The following SLX4IP variants were observed in gnomAD, a reference collection of about 807,000 sequenced individuals.
SLX4IP encodes the protein protein SLX4IP.
Under a neutral mutation model 32.9 loss-of-function variants are expected in SLX4IP, and 34 were observed. The observed-to-expected ratio is 1.03, with a 90% CI of 0.79 to 1.38. The LOEUF is 1.38. Ranked by LOEUF, SLX4IP falls within the 40% of genes most tolerant of loss-of-function variation. The probability of loss-of-function intolerance (pLI) is 0.00; values close to 1 mark genes in which losing one functional copy is unlikely to be tolerated. For missense variants in SLX4IP, 444 were observed against 479.0 expected (o/e 0.93, Z 0.68); for synonymous variants, 172 against 171.7 (o/e 1.00, Z -0.01).
chr20:10,572,764 C>T (rs1403884173), intron 4 of SLX4IP, among the ~76,000 whole-genome samples: 1 of 152,166 alleles, frequency 6.6e-6, no homozygotes. Flanking sequence ...AAAATCTTAG[C>T]TTATATCTGT....
chr20:10,459,370 G>T (rs538127516), intron 2 of SLX4IP, among the ~76,000 whole-genome samples: 1 of 152,240 alleles, frequency 6.6e-6, no homozygotes, highest in South Asian at 2.1e-4. Flanking sequence ...AGTTTAGTTT[G>T]ATCCCATTTG....
intron 4 of SLX4IP, among the ~76,000 whole-genome samples, chr20:10,598,226 C>T (rs1316469363): frequency 6.6e-6 from 1 of 152,168 alleles, no homozygotes; most frequent in African/African-American, 2.4e-5. Flanking sequence ...TTCACCCTTG[C>T]CTCTCAAGAG....
At chr20:10,610,735 C>T (rs1341292835) in intron 6 of SLX4IP, among the ~76,000 whole-genome samples, 1 of 152,250 alleles carries the variant, frequency 6.6e-6, no homozygotes, top group Non-Finnish European at 1.5e-5. Context: ...CTTTTCATTT[C>T]ACCTCCTGTT....
intron 6 of SLX4IP, among the ~76,000 whole-genome samples, chr20:10,604,491 C>T (rs1363260686): frequency 6.6e-6 from 1 of 152,134 alleles, no homozygotes; most frequent in Non-Finnish European, 1.5e-5. Flanking sequence ...ATTCTTTCAA[C>T]CTGTAGACAA....
At chr20:10,575,841 T>C (rs534981143) in intron 4 of SLX4IP, among the ~76,000 whole-genome samples, 1 of 152,242 alleles carries the variant, frequency 6.6e-6, no homozygotes, top group South Asian at 2.1e-4. Flanking sequence ...TTCCTAATAT[T>C]AACACCCATA....
rs1217319470 is a variant in SLX4IP at position 10,435,420 on chromosome 20, T to G, written c.-63T>G. ...TGACCCTGGACAGTAACAAAACATA[T>G]AAAGCCCGAGCCCAAACCCCGCCAC... On this transcript the variant is annotated 5_prime_UTR_variant, in exon 1 of 8. Coordinates refer to ENST00000334534, the MANE Select transcript of SLX4IP (RefSeq NM_001009608.3). The G allele has an allele frequency of 6.6e-6, 1 of 152,170 alleles. No individual in the cohort carries two copies. Among genetic ancestry groups the G allele is most frequent in the Non-Finnish European group, 1.5e-5 (1 of 68,072 alleles). The allele number at this position is 152,170 out of a possible 1,614,324, so 9.4% of individuals were successfully genotyped here.
rs143450271 is a variant in SLX4IP, at chr20:10,441,728, T to A, written c.-30+6275T>A. 8.3e-3 allele frequency among the ~76,000 whole-genome samples: 934 copies of A among 112,852 alleles called. 3 individuals carry two copies. The highest frequency in any genetic ancestry group is 0.023 in the African/African-American group (867 of 37,310). 74.0% of individuals were successfully genotyped at this position (112,852 alleles called of 152,430 possible). A position where few individuals can be genotyped will look rare whatever the true frequency, so the allele number is the denominator to read the frequency against. Reference sequence around the variant, plus strand: ...CAGTGTTGAATCTGACGTGTTTGTTTTTGTTTTTTTTTTTATAAGTAAACT... The same window carrying A: ...CAGTGTTGAATCTGACGTGTTTGTTATTGTTTTTTTTTTTATAAGTAAACT... On this transcript the variant is annotated intron_variant, in intron 1 of 7. Coordinates refer to ENST00000334534, the MANE Select transcript of SLX4IP (RefSeq NM_001009608.3).
chr20:10,615,652 G>C (rs1466207054), intron 6 of SLX4IP, among the ~76,000 whole-genome samples: 2 of 152,102 alleles, frequency 1.3e-5, no homozygotes, highest in East Asian at 3.9e-4. Flanking sequence ...CATCATCTTA[G>C]TCCATTTGTG....
At chr20:10,486,184 A>ATTT (rs34444606) in intron 2 of SLX4IP, among the ~76,000 whole-genome samples, 59 of 145,092 alleles carry the variant, frequency 4.1e-4, no homozygotes, top group South Asian at 4.4e-4. Context: ...CCTTGCTTAA[A>ATTT]TTTTTTTTTT....
chr20:10,562,682 A>C (rs909385145), intron 4 of SLX4IP, among the ~76,000 whole-genome samples: 2 of 152,172 alleles, frequency 1.3e-5, no homozygotes, highest in East Asian at 1.9e-4. Flanking sequence ...TTCTCTACCC[A>C]GCACTTCCTT....
At chr20:10,556,599 GAGA>G (rs572641671) in intron 3 of SLX4IP, among the ~76,000 whole-genome samples, 9 of 152,154 alleles carry the variant, frequency 5.9e-5, no homozygotes, top group South Asian at 2.1e-4. Flanking sequence ...TCAAAAAGAG[GAGA>G]AGAAGAAGAA....
chr20:10,564,077 T>A (rs574404773), intron 4 of SLX4IP, among the ~76,000 whole-genome samples: 3 of 152,164 alleles, frequency 2.0e-5, no homozygotes, highest in Non-Finnish European at 4.4e-5. Flanking sequence ...AGAGGTTCAT[T>A]TTGTTCTAGG....
intron 2 of SLX4IP, among the ~76,000 whole-genome samples, chr20:10,543,061 G>A (rs184904995): frequency 9.2e-5 from 14 of 152,306 alleles, no homozygotes; most frequent in Admixed American, 7.8e-4. Context: ...GAACCCACCT[G>A]TCATTTCATC....
chr20:10,553,489 G>A (rs778815312), intron 2 of SLX4IP, among the ~76,000 whole-genome samples: 1 of 152,190 alleles, frequency 6.6e-6, no homozygotes, highest in Non-Finnish European at 1.5e-5. Context: ...ATAAGTCCAT[G>A]GCACAGGAAA....
intron 4 of SLX4IP, among the ~76,000 whole-genome samples, chr20:10,574,160 C>A (rs143670913): frequency 6.6e-6 from 1 of 152,278 alleles, no homozygotes. Flanking sequence ...TTATCATCAC[C>A]TGTTATGGAC....
chr20:10,513,461 A>G (rs954470581), intron 2 of SLX4IP, among the ~76,000 whole-genome samples: 2 of 152,228 alleles, frequency 1.3e-5, no homozygotes, highest in Non-Finnish European at 2.9e-5. Context: ...GAGGTGGAAG[A>G]CATACCTCTC....
At chr20:10,441,325 A>G (rs1197485828) in intron 1 of SLX4IP, among the ~76,000 whole-genome samples, 1 of 152,108 alleles carries the variant, frequency 6.6e-6, no homozygotes, top group Non-Finnish European at 1.5e-5. Context: ...AGTCCCAGCT[A>G]CTCGGAAGGC....
chr20:10,616,549 A>C (rs567359784), intron 6 of SLX4IP, among the ~76,000 whole-genome samples: 7 of 152,040 alleles, frequency 4.6e-5, no homozygotes, highest in Non-Finnish European at 1.0e-4. Context: ...ACCAGTACAC[A>C]CACACACCCC....
At chr20:10,572,110 T>G (rs972866398) in intron 4 of SLX4IP, among the ~76,000 whole-genome samples, 8 of 152,170 alleles carry the variant, frequency 5.3e-5, no homozygotes, top group Non-Finnish European at 1.2e-4. Context: ...AGACAGTCCT[T>G]TCTAGCCAGG....
Sources: allele counts gnomAD v4.1 joint callset (sites outside exome capture counted in the v4.1 genomes callset), GRCh38; gene constraint gnomAD v4.1.1; transcripts MANE v1.5; gene names NCBI Gene and HGNC (gene_info 2026-07-23, HGNC 2026-07-21).